Variants in CNIH3 observed in about 807,000 individuals in gnomAD.
The protein encoded by CNIH3 is protein cornichon homolog 3.
In CNIH3, 14 loss-of-function variants were observed where a neutral mutation model predicts 24.1. That is an observed-to-expected ratio of 0.58 (90% CI 0.38 to 0.91). The LOEUF is 0.91. CNIH3 is among the 40% of genes least tolerant of loss of function. The pLI is 0.00. For synonymous variants in CNIH3, 68 were observed against 73.8 expected (o/e 0.92, Z 0.40); for missense variants, 178 against 196.8 (o/e 0.90, Z 0.57).
intron 3 of CNIH3, among the ~76,000 whole-genome samples, chr1:224,695,373 C>T (rs928075391): frequency 3.4e-4 from 51 of 149,244 alleles, no homozygotes; most frequent in African/African-American, 9.9e-4. Flanking sequence ...CACACACACA[C>T]ACACACACAC....
intron 1 of CNIH3, among the ~76,000 whole-genome samples, chr1:224,643,643 A>G (rs1048679074): frequency 1.4e-4 from 22 of 152,216 alleles, no homozygotes; most frequent in African/African-American, 2.2e-4. Flanking sequence ...ACAGAAAATT[A>G]CACTCAGAGA....
intron 1 of CNIH3, among the ~76,000 whole-genome samples, chr1:224,447,861 G>A (rs558519675): frequency 2.0e-5 from 3 of 152,308 alleles, no homozygotes; most frequent in African/African-American, 7.2e-5. Flanking sequence ...CCACAAGGTA[G>A]GCTAGAGGTT....
At chr1:224,707,550 G>A (rs1419383788) in intron 3 of CNIH3, among the ~76,000 whole-genome samples, 1 of 150,366 alleles carries the variant, frequency 6.7e-6, no homozygotes, top group Non-Finnish European at 1.5e-5. Flanking sequence ...AATGAGCAAT[G>A]TGGGTCCTGG....
At chr1:224,698,749 T>A (rs1298653090) in intron 3 of CNIH3, among the ~76,000 whole-genome samples, 2 of 152,226 alleles carry the variant, frequency 1.3e-5, no homozygotes, top group Non-Finnish European at 2.9e-5. Flanking sequence ...GTGCTTTCCT[T>A]AGCAGACTAG....
chr1:224,459,881 A>AC (rs1675835441), intron 1 of CNIH3, among the ~76,000 whole-genome samples: 1 of 136,152 alleles, frequency 7.3e-6, no homozygotes, highest in Admixed American at 7.5e-5. Flanking sequence ...TGGAACCCCT[A>AC]TTTTTTTTTT....
chr1:224,636,730 G>T (rs765383197), intron 1 of CNIH3, among the ~76,000 whole-genome samples: 1 of 152,012 alleles, frequency 6.6e-6, no homozygotes, highest in Non-Finnish European at 1.5e-5. Context: ...TTGTGGCATT[G>T]GTTGTTTTCT....
intron 1 of CNIH3, among the ~76,000 whole-genome samples, chr1:224,478,572 T>C (rs993712730): frequency 2.6e-4 from 39 of 152,368 alleles, no homozygotes; most frequent in African/African-American, 9.4e-4. Context: ...TTGAATTTCT[T>C]TGAGTTTTCT....
chr1:224,593,111 C>A (rs1227439911), downstream of CNIH3, among the ~76,000 whole-genome samples: 1 of 152,002 alleles, frequency 6.6e-6, no homozygotes, highest in Non-Finnish European at 1.5e-5. Flanking sequence ...TCCCCACTTC[C>A]CGTCCCCAGA....
At chr1:224,645,579 A>G (rs540745626) in intron 1 of CNIH3, among the ~76,000 whole-genome samples, 1 of 152,366 alleles carries the variant, frequency 6.6e-6, no homozygotes, top group African/African-American at 2.4e-5. Context: ...TTTCCAAAAT[A>G]TGGTGGGTGG....
intron 1 of CNIH3, among the ~76,000 whole-genome samples, chr1:224,495,862 G>T (rs1443966829): frequency 6.6e-6 from 1 of 152,158 alleles, no homozygotes; most frequent in Non-Finnish European, 1.5e-5. Context: ...ACTGAGGCAA[G>T]AGGAACCCTT....
intron 3 of CNIH3, among the ~76,000 whole-genome samples, chr1:224,718,090 G>A (rs1558329433): frequency 6.6e-6 from 1 of 152,138 alleles, no homozygotes; most frequent in East Asian, 1.9e-4. Context: ...CTGCCCTATG[G>A]AACATTCAAG....
rs180838931 is a variant in CNIH3, at chr1:224,655,719, G to A, written c.82-25239G>A. On this transcript the variant is annotated intron_variant, in intron 1 of 5. Transcript: ENST00000272133. ...GGAAAGCCAATTACTGGGATAACAA[G>A]TATTGCCAGGGAAGAAGCCTTTTTA... Among the ~76,000 whole-genome samples, 4 of 152,322 alleles carry A rather than the reference G, an allele frequency of 2.6e-5. No individual in the cohort carries two copies. The East Asian group carries it at 7.7e-4, about 29-fold the overall frequency.
intron 3 of CNIH3, among the ~76,000 whole-genome samples, chr1:224,698,491 A>G (rs1009268108): frequency 1.3e-5 from 2 of 152,232 alleles, no homozygotes; most frequent in African/African-American, 4.8e-5. Context: ...TAAAGGAACC[A>G]CTTAGGCAGG....
chr1:224,735,904 G>A (rs1245225000), intron 5 of CNIH3, among the ~76,000 whole-genome samples: 1 of 151,970 alleles, frequency 6.6e-6, no homozygotes, highest in African/African-American at 2.4e-5. Context: ...GGGCCCAAGT[G>A]ACCCTTCTGC....
At chr1:224,646,690 G>A (rs1684622409) in intron 1 of CNIH3, among the ~76,000 whole-genome samples, 2 of 152,164 alleles carry the variant, frequency 1.3e-5, no homozygotes, top group African/African-American at 4.8e-5. Flanking sequence ...ACAGGCATGA[G>A]CCACCATGTC....
At chr1:224,520,509 T>C (rs1312473402) in intron 1 of CNIH3, among the ~76,000 whole-genome samples, 1 of 152,238 alleles carries the variant, frequency 6.6e-6, no homozygotes, top group African/African-American at 2.4e-5. Flanking sequence ...CACATAGAGA[T>C]ATGTAAGAGT....
At chr1:224,435,158 G>A in intron 1 of CNIH3, 1 of 986,140 alleles carries the variant, frequency 1.0e-6, no homozygotes, top group Non-Finnish European at 1.2e-6. Flanking sequence ...GTGCGCGGAG[G>A]GACTGCACCT....
intron 2 of CNIH3, among the ~76,000 whole-genome samples, chr1:224,528,388 A>G (rs928486065): frequency 6.6e-6 from 1 of 152,188 alleles, no homozygotes; most frequent in African/African-American, 2.4e-5. Context: ...TGGTGTGATC[A>G]TGGCTCACTG....
intron 3 of CNIH3, among the ~76,000 whole-genome samples, chr1:224,701,572 G>A (rs1172904871): frequency 2.0e-5 from 3 of 152,190 alleles, no homozygotes; most frequent in Non-Finnish European, 4.4e-5. Context: ...TTAGGGGGTA[G>A]CGTTTCAACA....
Sources: allele counts gnomAD v4.1 joint callset (sites outside exome capture counted in the v4.1 genomes callset), GRCh38; gene constraint gnomAD v4.1.1; transcripts MANE v1.5; gene names NCBI Gene and HGNC (gene_info 2026-07-23, HGNC 2026-07-21).